Variants in RABL6 observed in about 807,000 individuals in gnomAD.
The protein encoded by RABL6 is rab-like protein 6.
Under a neutral mutation model 72.9 loss-of-function variants are expected in RABL6, and 28 were observed. The observed-to-expected ratio is 0.38, with a 90% CI of 0.28 to 0.53. The LOEUF is 0.53. Among genes scored for constraint, RABL6 ranks in the 20% least tolerant of loss-of-function variants. The pLI is 0.80. For synonymous variants in RABL6, 477 were observed against 421.2 expected (o/e 1.13, Z -1.62); for missense variants, 1,029 against 1,008.4 (o/e 1.02, Z -0.28).
chr9:136,822,502 C>T (rs1231950460), intron 1 of RABL6, among the ~76,000 whole-genome samples: 2 of 152,206 alleles, frequency 1.3e-5, no homozygotes, highest in East Asian at 3.9e-4. Context: ...GTCCGCACAG[C>T]TTCTCGGTCA....
chr9:136,818,170 T>C (rs1315612425), intron 1 of RABL6, among the ~76,000 whole-genome samples: 1 of 150,178 alleles, frequency 6.7e-6, no homozygotes, highest in Non-Finnish European at 1.5e-5. Context: ...AAGACCATCC[T>C]GGCTAACACA....
chr9:136,812,684 G>A (rs1469706938), intron 1 of RABL6: 1 of 236,472 alleles, frequency 4.2e-6, no homozygotes, highest in Non-Finnish European at 8.6e-6. Flanking sequence ...GACTGTCTTG[G>A]AATGTCCTCA....
chr9:136,828,427 C>T lies in RABL6; in HGVS notation c.314-67C>T, dbSNP rs1319910225. On this transcript the variant is annotated intron_variant, in intron 3 of 14. Coordinates refer to ENST00000311502, the MANE Select transcript of RABL6 (RefSeq NM_024718.5). ...TGGGGGCTGAGTGGCCATGGGGGGA[C>T]CATGCTCCTCCTATGGCCCAAGGCC... 3.3e-6 allele frequency: 5 copies of T among 1,534,470 alleles called. No homozygotes were observed. In the African/African-American group the frequency reaches 5.5e-5, roughly 17 times the overall value.
chr9:136,838,894 C>A lies in RABL6; in HGVS notation c.1281-15C>A, dbSNP rs750756199. On this transcript the variant is annotated splice_polypyrimidine_tract_variant and intron_variant, in intron 10 of 14. Coordinates refer to ENST00000311502, the MANE Select transcript of RABL6 (RefSeq NM_024718.5). ...TACCCCGTGGCCCTTGACCGCTTTG[C>A]CCCCTGCTTTGCAGTGATGGGGAGG... 1 of 1,553,764 alleles carries A rather than the reference C, an allele frequency of 6.4e-7. No homozygotes were observed. The highest frequency in any genetic ancestry group is 8.7e-7 in the Non-Finnish European group (1 of 1,147,962).
chr9:136,835,383 C>T (rs557129937), intron 7 of RABL6: 15 of 188,110 alleles, frequency 8.0e-5, no homozygotes, highest in South Asian at 4.7e-4. Context: ...AGGAGGTGTG[C>T]GTGGCGGGGA....
chr9:136,825,908 C>T lies in RABL6; in HGVS notation c.313+82C>T, dbSNP rs972174895. ...GAGGCTTCCTTTCTTTCCCCCGGCG[C>T]CCATGCATCACCCACCATCCTCGTG... On this transcript the variant is annotated intron_variant, in intron 3 of 14. Transcript: ENST00000311502. The T allele has an allele frequency of 1.2e-5, 18 of 1,489,024 alleles. No homozygotes were observed. In the African/African-American group the frequency reaches 2.5e-4, roughly 21 times the overall value. The allele number at this position is 1,489,024 out of a possible 1,614,324, so 92.2% of individuals were successfully genotyped here.
rs796147174 is a variant in RABL6, at chr9:136,840,496, G to T, written c.2164G>T (p.Gly722Trp). Residue 722 changes from glycine (G) to tryptophan (W), a missense_variant, in exon 15 of 15, where the codon GGG becomes TGG. Gly to Trp is a radical substitution (Grantham distance 184, BLOSUM62 -2). Coordinates refer to ENST00000311502, the MANE Select transcript of RABL6 (RefSeq NM_024718.5). ...CGGGGCCCCGGGCGGCCGCCACCCTGGGGGTGGCGACTACGAGGAGCTCTA... is the reference window on the plus strand; with the variant it reads ...CGGGGCCCCGGGCGGCCGCCACCCTTGGGGTGGCGACTACGAGGAGCTCTA... ...GGGAPGGRHPGGGDYEEL is the reference protein window; with the variant it reads ...GGGAPGGRHPWGGDYEEL 4 of 1,528,614 alleles carry T rather than the reference G, an allele frequency of 2.6e-6. No homozygotes were observed. In the Admixed American group the frequency reaches 8.6e-5, roughly 33 times the overall value. The allele number at this position is 1,528,614 out of a possible 1,614,324, so 94.7% of individuals were successfully genotyped here.
chr9:136,821,912 G>T (rs994595161), intron 1 of RABL6: 1 of 1,284,606 alleles, frequency 7.8e-7, no homozygotes, highest in Non-Finnish European at 1.0e-6. Flanking sequence ...CCGTGAGGGC[G>T]CCTGGGTCCC....
At position 136,832,607 on chromosome 9, in the gene RABL6, C is replaced by T; in HGVS notation, c.705+237C>T. On this transcript the variant is annotated intron_variant, in intron 7 of 14. Coordinates refer to ENST00000311502, the MANE Select transcript of RABL6 (RefSeq NM_024718.5). ...AGCCCCTCCACCTCTGCGGGGACCC[C>T]TTGCTCAGTTTCCCCCAGTGTTTTT... is the stretch of plus-strand genomic sequence containing the variant. The T allele has an allele frequency of 5.2e-6, 3 of 579,066 alleles. No homozygotes were observed. The East Asian group carries it at 9.1e-5, about 18-fold the overall frequency. The allele number at this position is 579,066 out of a possible 1,614,324, so 35.9% of individuals were successfully genotyped here.
intron 7 of RABL6, chr9:136,832,902 G>A (rs1482239519): frequency 3.1e-6 from 1 of 324,426 alleles, no homozygotes; most frequent in East Asian, 8.5e-5. Context: ...CAGGCCAGCT[G>A]TGGCTGCAAA....
At chr9:136,808,533 C>CAG in intron 1 of RABL6, 3 of 366,638 alleles carry the variant, frequency 8.2e-6, no homozygotes, top group Non-Finnish European at 1.3e-5. Context: ...GCCCCCGAGC[C>CAG]GCGGGTCGTT....
intron 10 of RABL6, among the ~76,000 whole-genome samples, 157 bp from the exon 11 acceptor site, chr9:136,838,752 T>TGAC (rs34628264): frequency 0.86 from 131,460 of 152,014 alleles, 57,044 homozygotes; most frequent in African/African-American, 0.94. Flanking sequence ...AGAAGCCCTG[T>TGAC]GACCATGAGG....
chr9:136,814,271 T>C (rs1403025941), intron 1 of RABL6: 1 of 174,744 alleles, frequency 5.7e-6, no homozygotes, highest in Non-Finnish European at 1.2e-5. Flanking sequence ...AGCTTCCACC[T>C]CCCGGGTTCA....
At chr9:136,809,320 G>A in intron 1 of RABL6, 1 of 181,100 alleles carries the variant, frequency 5.5e-6, no homozygotes. Flanking sequence ...TCCTGGGGCT[G>A]GAGCTAGTCC....
Position 136,840,791 on chromosome 9 carries a change from G to A in RABL6, c.*269G>A, listed in dbSNP as rs1398804839. ...ACCCTGGCCCTCTCGGGGCAGAGCC[G>A]CCAGTGTTTCTCAGGGATGTGACTG... On this transcript the variant is annotated 3_prime_UTR_variant, in exon 15 of 15. Transcript: ENST00000311502. The A allele has an allele frequency of 1.8e-5, 28 of 1,547,522 alleles. No homozygotes were observed. Among genetic ancestry groups the A allele is most frequent in the Admixed American group, 3.9e-5 (2 of 50,970 alleles).
intron 10 of RABL6, among the ~76,000 whole-genome samples, chr9:136,838,694 G>A (rs1255408510): frequency 1.3e-5 from 2 of 152,226 alleles, no homozygotes; most frequent in African/African-American, 2.4e-5. Context: ...CTGAGCGGCC[G>A]CAGGGCAGCA....
In RABL6 at chr9:136,820,178, G is replaced by A. The variant is rs570140520; in HGVS notation, c.131-3347G>A. Among the ~76,000 whole-genome samples the A allele has an allele frequency of 8.3e-5, 12 of 144,308 alleles. No individual in the cohort carries two copies. In the South Asian group the frequency reaches 1.4e-3, roughly 16 times the overall value. 94.7% of individuals were successfully genotyped at this position (144,308 alleles called of 152,430 possible). Reference sequence around the variant, plus strand: ...CACACCACTGCACTCCAGCCTGTGCGGCAGAGTGAGACTCCATCTTCCAAA... The same window carrying A: ...CACACCACTGCACTCCAGCCTGTGCAGCAGAGTGAGACTCCATCTTCCAAA... On this transcript the variant is annotated intron_variant, in intron 1 of 14. Transcript: ENST00000311502.
intron 1 of RABL6, among the ~76,000 whole-genome samples, chr9:136,819,149 C>T (rs1451590074): frequency 3.3e-5 from 5 of 151,920 alleles, no homozygotes; most frequent in African/African-American, 4.8e-5. Flanking sequence ...GGTGAAACCC[C>T]GTCTCTAATA....
rs1170395029 is a variant in RABL6 at position 136,840,312 on chromosome 9, T to C, written c.1990-10T>C. The C allele has an allele frequency of 6.3e-7, 1 of 1,597,936 alleles. No individual in the cohort carries two copies. Among genetic ancestry groups the C allele is most frequent in the African/African-American group, 1.3e-5 (1 of 74,482 alleles). On this transcript the variant is annotated splice_polypyrimidine_tract_variant and intron_variant, in intron 14 of 14. Transcript: ENST00000311502. The stretch of plus-strand genomic sequence containing the variant: ...GTGACTCCATGGCGCCCCATCCTTG[T>C]GCTCCTCAGGAAGAAGAAAAAGCTG...
Sources: gnomAD v4.1 joint callset for allele counts (sites outside exome capture counted in the v4.1 genomes callset) on GRCh38, gnomAD v4.1.1 for gene constraint, MANE v1.5 for transcripts, NCBI Gene and HGNC (gene_info 2026-07-23, HGNC 2026-07-21) for gene names.